SORCS1: variants seen among roughly 807,000 people sequenced by gnomAD.
SORCS1 encodes sortilin related VPS10 domain containing receptor 1, also known as VPS10 domain-containing receptor SorCS1.
A neutral mutation model predicts 146.1 loss-of-function variants in SORCS1; 60 were observed. The ratio of observed to expected loss-of-function variants is 0.41; its 90% confidence interval spans 0.33 to 0.51. SORCS1 has a LOEUF of 0.51. SORCS1 is among the 20% of genes least tolerant of loss of function. The probability of loss-of-function intolerance (pLI) is 0.21; values close to 1 mark genes in which losing one functional copy is unlikely to be tolerated. For missense variants in SORCS1, 1,352 were observed against 1,487.6 expected (o/e 0.91, Z 1.50); for synonymous variants, 637 against 584.0 (o/e 1.09, Z -1.31).
At chr10:106,838,815 C>T (rs1948898772) in intron 2 of SORCS1, among the ~76,000 whole-genome samples, 1 of 152,158 alleles carries the variant, frequency 6.6e-6, no homozygotes, top group Non-Finnish European at 1.5e-5. Context: ...GTCTCTGTGC[C>T]ACATTTTGGT....
At chr10:106,835,529 ATT>A (rs879470534) in intron 2 of SORCS1, among the ~76,000 whole-genome samples, 4 of 152,208 alleles carry the variant, frequency 2.6e-5, no homozygotes, top group Admixed American at 6.5e-5. Context: ...CAATTACAAC[ATT>A]TTAAAAATGT....
chr10:106,933,358 T>C (rs1953517639), intron 2 of SORCS1, among the ~76,000 whole-genome samples: 1 of 152,226 alleles, frequency 6.6e-6, no homozygotes, highest in South Asian at 2.1e-4. Flanking sequence ...ACATATACTA[T>C]TTTAAAATGT....
chr10:106,933,870 G>T (rs1449231466), intron 2 of SORCS1, among the ~76,000 whole-genome samples: 7 of 152,278 alleles, frequency 4.6e-5, no homozygotes, highest in African/African-American at 1.7e-4. Context: ...AAGGCAGATG[G>T]ATCACCTGAG....
At chr10:107,011,044 T>C (rs1957676431) in intron 1 of SORCS1, among the ~76,000 whole-genome samples, 1 of 152,098 alleles carries the variant, frequency 6.6e-6, no homozygotes, top group South Asian at 2.1e-4. Context: ...TCCCACACAC[T>C]GGGATGAGCA....
intron 5 of SORCS1, among the ~76,000 whole-genome samples, chr10:106,739,393 G>C (rs1228730693): frequency 6.6e-6 from 1 of 151,934 alleles, no homozygotes; most frequent in Non-Finnish European, 1.5e-5. Flanking sequence ...GCTGAGGCAG[G>C]AGAATCACTT....
chr10:106,989,890 G>A (rs1327012360), intron 1 of SORCS1, among the ~76,000 whole-genome samples: 2 of 151,630 alleles, frequency 1.3e-5, no homozygotes, highest in African/African-American at 4.9e-5. Context: ...GTTTAACCAT[G>A]TTAGCCAGGA....
intron 2 of SORCS1, among the ~76,000 whole-genome samples, chr10:106,878,146 G>A (rs915059422): frequency 4.0e-5 from 6 of 149,248 alleles, no homozygotes; most frequent in South Asian, 2.1e-4. Flanking sequence ...TTTTATGAGC[G>A]GACCAAGAGC....
chr10:107,019,234 A>T lies in SORCS1; in HGVS notation c.559-62654T>A, dbSNP rs367563321. On this transcript the variant is annotated intron_variant, in intron 1 of 25. Coordinates refer to ENST00000263054, the MANE Select transcript of SORCS1 (RefSeq NM_052918.5). The stretch of plus-strand genomic sequence containing the variant: ...TTTTTTAAAAAATAAACATTTTTGA[A>T]AAATCAGATGTCATAAACATTGCTT... Among the ~76,000 whole-genome samples the T allele has an allele frequency of 5.3e-5, 8 of 152,312 alleles. No homozygotes were observed. The East Asian group carries it at 1.5e-3, about 29-fold the overall frequency.
chr10:106,760,182 C>T (rs772654731), intron 5 of SORCS1, among the ~76,000 whole-genome samples: 11 of 152,184 alleles, frequency 7.2e-5, no homozygotes, highest in Admixed American at 2.6e-4. Context: ...TGATGGCTCA[C>T]GCCTGTAATC....
At position 106,620,409 on chromosome 10, in the gene SORCS1, A is replaced by T. The variant is rs1004940566; in HGVS notation, c.2796+19T>A. ...AATTGAGCTTCTGTCCCTAGATCGC[A>T]TGTGGAAGGTGAACCCACCTCCGTG... On this transcript the variant is annotated intron_variant, in intron 20 of 25. Coordinates refer to ENST00000263054, the MANE Select transcript of SORCS1 (RefSeq NM_052918.5). The T allele has an allele frequency of 1.2e-6, 2 of 1,606,650 alleles. No individual in the cohort carries two copies. Among genetic ancestry groups the T allele is most frequent in the African/African-American group, 2.7e-5 (2 of 74,798 alleles).
chr10:107,170,240 A>G, the SORCS1 span, among the ~76,000 whole-genome samples: 2 of 152,304 alleles, frequency 1.3e-5, no homozygotes, highest in South Asian at 4.1e-4. Context: ...GATGTACTAA[A>G]TCACGAAACC....
At chr10:106,601,042 G>C (rs756102363) in intron 23 of SORCS1, among the ~76,000 whole-genome samples, 43 of 152,152 alleles carry the variant, frequency 2.8e-4, no homozygotes, top group Non-Finnish European at 6.0e-4. Flanking sequence ...ATCCTCAGAG[G>C]GGCCACTTTC....
chr10:106,999,498 G>A (rs555725494), intron 1 of SORCS1, among the ~76,000 whole-genome samples: 4 of 152,302 alleles, frequency 2.6e-5, no homozygotes, highest in Admixed American at 1.3e-4. Flanking sequence ...TTAAGAAAAC[G>A]TGCTTAGTCC....
intron 1 of SORCS1, among the ~76,000 whole-genome samples, chr10:107,092,177 G>A (rs543708792): frequency 1.2e-3 from 181 of 152,312 alleles, no homozygotes; most frequent in African/African-American, 4.3e-3. Flanking sequence ...CAGAAGGATT[G>A]GAAGCCATAC....
Position 106,575,346 on chromosome 10 carries a change from G to C in SORCS1, c.*2074C>G, listed in dbSNP as rs1589645823. On this transcript the variant is annotated 3_prime_UTR_variant, in exon 26 of 26. Coordinates refer to ENST00000263054, the MANE Select transcript of SORCS1 (RefSeq NM_052918.5). Reference sequence around the variant, plus strand: ...CAGCTTTGCTATTCTTTCTGTGCCTGAACTACATGAAGTCATGGACATCAG... The same window carrying C: ...CAGCTTTGCTATTCTTTCTGTGCCTCAACTACATGAAGTCATGGACATCAG... The C allele has an allele frequency of 6.6e-6, 1 of 152,218 alleles. No individual in the cohort carries two copies. Among genetic ancestry groups the C allele is most frequent in the East Asian group, 1.9e-4 (1 of 5,190 alleles). 9.4% of individuals were successfully genotyped at this position (152,218 alleles called of 1,614,324 possible).
chr10:106,992,796 G>A (rs1326080688), intron 1 of SORCS1, among the ~76,000 whole-genome samples: 1 of 148,482 alleles, frequency 6.7e-6, no homozygotes, highest in African/African-American at 2.5e-5. Context: ...ACACCAGGCC[G>A]AGCTAATTTC....
chr10:106,732,454 G>T (rs1400288818), intron 5 of SORCS1, among the ~76,000 whole-genome samples: 1 of 152,110 alleles, frequency 6.6e-6, no homozygotes, highest in Non-Finnish European at 1.5e-5. Flanking sequence ...CATTAAAAAA[G>T]AAAATGAGCT....
intron 1 of SORCS1, among the ~76,000 whole-genome samples, chr10:106,986,511 C>CGTGTGTGTGTGT (rs58888609): frequency 1.3e-5 from 2 of 148,426 alleles, no homozygotes; most frequent in East Asian, 2.0e-4. Context: ...TATATACAAC[C>CGTGTGTGTGTGT]GTGTGTGTGT....
intron 1 of SORCS1, among the ~76,000 whole-genome samples, chr10:107,129,105 T>C (rs1479911162): frequency 6.6e-6 from 1 of 152,232 alleles, no homozygotes; most frequent in Admixed American, 6.5e-5. Flanking sequence ...GTACAAGTCT[T>C]GCTGGAGCAG....
Sources: gnomAD v4.1 joint callset for allele counts (sites outside exome capture counted in the v4.1 genomes callset) on GRCh38, gnomAD v4.1.1 for gene constraint, MANE v1.5 for transcripts, NCBI Gene and HGNC (gene_info 2026-07-23, HGNC 2026-07-21) for gene names.